The following PTPRG variants were observed in gnomAD, a reference collection of about 807,000 sequenced individuals.
The protein encoded by PTPRG is protein tyrosine phosphatase receptor type G.
Under a neutral mutation model 165.3 loss-of-function variants are expected in PTPRG, and 102 were observed. The observed-to-expected ratio is 0.62, with a 90% CI of 0.53 to 0.73. The LOEUF (loss-of-function observed/expected upper bound fraction) is 0.73, where lower values mean the gene tolerates loss of function less well. Among genes scored for constraint, PTPRG ranks in the 30% least tolerant of loss-of-function variants. The pLI, the probability that PTPRG is intolerant of heterozygous loss-of-function variation, is 0.00. For synonymous variants in PTPRG, 675 were observed against 669.5 expected (o/e 1.01, Z -0.13); for missense variants, 1,866 against 1,861.4 (o/e 1.00, Z -0.05).
chr3:61,632,430 G>A (rs1281319776), intron 1 of PTPRG, among the ~76,000 whole-genome samples: 1 of 152,210 alleles, frequency 6.6e-6, no homozygotes, highest in African/African-American at 2.4e-5. Context: ...GACAGATAAA[G>A]TGCTCTTTGT....
chr3:62,203,766 C>A lies in PTPRG; in HGVS notation c.1971C>A (p.Gly657=), dbSNP rs758300826. 3 of 1,610,022 alleles carry A rather than the reference C, an allele frequency of 1.9e-6. No homozygotes were observed. The highest frequency in any genetic ancestry group is 4.5e-5 in the East Asian group (2 of 44,774). The change falls in exon 12 of 30, where the codon GGC becomes GGA. Residue 657 remains glycine (G), a synonymous_variant. Transcript: ENST00000474889. This position sits in a 1 kb window ranked among gnomAD's most constrained non-coding sequence, Gnocchi z 6.4. ...DHTAVPTDQT[G]GRRDAGPGLD... is the part of the protein sequence containing the mutation. The stretch of plus-strand genomic sequence containing the variant: ...CTGCCGTCCCCACAGACCAGACGGG[C>A]GGAAGGAGGGATGCCGGCCCAGGCC...
intron 2 of PTPRG, among the ~76,000 whole-genome samples, chr3:61,848,552 C>T (rs890225532): frequency 1.3e-5 from 2 of 152,156 alleles, no homozygotes; most frequent in African/African-American, 4.8e-5. Flanking sequence ...TATCTTATAG[C>T]AACTCATCAG....
At chr3:61,668,527 G>A (rs1240187719) in intron 1 of PTPRG, among the ~76,000 whole-genome samples, 1 of 152,154 alleles carries the variant, frequency 6.6e-6, no homozygotes, top group Non-Finnish European at 1.5e-5. Flanking sequence ...GCAGTGTGTG[G>A]GTGGCGCCTT....
At chr3:62,105,838 G>A (rs1702456111) in intron 5 of PTPRG, among the ~76,000 whole-genome samples, 1 of 152,144 alleles carries the variant, frequency 6.6e-6, no homozygotes, top group Non-Finnish European at 1.5e-5. Context: ...ATCTCTTGGT[G>A]TCTTCTCAAG....
intron 2 of PTPRG, among the ~76,000 whole-genome samples, chr3:61,920,062 G>T (rs1262263372): frequency 6.6e-6 from 1 of 152,224 alleles, no homozygotes; most frequent in Admixed American, 6.5e-5. Flanking sequence ...ACATACTATT[G>T]TGGAGGAGGA....
intron 8 of PTPRG, among the ~76,000 whole-genome samples, chr3:62,186,567 C>CCTTTTTTTTTT (rs1705895088): frequency 6.8e-5 from 8 of 117,518 alleles, no homozygotes; most frequent in African/African-American, 2.8e-4. Context: ...TTTTCTTTTC[C>CCTTTTTTTTTT]TTTTTTTTTT....
chr3:62,022,882 A>G (rs2041729921), intron 4 of PTPRG, among the ~76,000 whole-genome samples: 1 of 152,166 alleles, frequency 6.6e-6, no homozygotes. Context: ...AAAAATTGGT[A>G]ATTGATTTCT....
intron 8 of PTPRG, among the ~76,000 whole-genome samples, chr3:62,181,105 T>C (rs562329868): frequency 2.5e-4 from 38 of 152,196 alleles, no homozygotes; most frequent in Non-Finnish European, 2.8e-4. Context: ...TTGTACTGTG[T>C]AGAAGAAAAG....
intron 4 of PTPRG, among the ~76,000 whole-genome samples, chr3:62,032,773 A>C (rs1451853121): frequency 6.6e-6 from 1 of 152,138 alleles, no homozygotes; most frequent in African/African-American, 2.4e-5. Context: ...TTATGGCTGG[A>C]AATTTTAATT....
intron 2 of PTPRG, among the ~76,000 whole-genome samples, chr3:61,777,103 G>A (rs2034406394): frequency 6.6e-6 from 1 of 152,082 alleles, no homozygotes; most frequent in African/African-American, 2.4e-5. Flanking sequence ...GTGTGTCTCT[G>A]GAATATCAGA....
chr3:61,871,163 G>GTTATGTTA (rs2037566057), intron 2 of PTPRG, among the ~76,000 whole-genome samples: 40 of 116,658 alleles, frequency 3.4e-4, no homozygotes, highest in Non-Finnish European at 6.1e-4. Context: ...GTGTTGTGTT[G>GTTATGTTA]TGTTATGTTA....
intron 2 of PTPRG, among the ~76,000 whole-genome samples, chr3:61,774,714 T>C (rs530491666): frequency 6.6e-6 from 1 of 152,368 alleles, no homozygotes; most frequent in Non-Finnish European, 1.5e-5. Context: ...GATTAGTGCA[T>C]GCAGGCAGCA....
rs1232545520 is a variant in PTPRG at position 62,240,557 on chromosome 3, G to A, written c.2376-3250G>A. 6.6e-6 allele frequency among the ~76,000 whole-genome samples: 1 copy of A among 152,148 alleles called. No individual in the cohort carries two copies. Among genetic ancestry groups the A allele is most frequent in the Non-Finnish European group, 1.5e-5 (1 of 68,032 alleles). On this transcript the variant is annotated intron_variant, in intron 14 of 29. Coordinates refer to ENST00000474889, the MANE Select transcript of PTPRG (RefSeq NM_002841.4). This position sits in a 1 kb window ranked among gnomAD's most constrained non-coding sequence, Gnocchi z 5.1. ...CATGGATTAAAGCCTTTCATTGACT[G>A]TCCCCTGCTCCTAGACACCAGTGAA...
chr3:61,759,533 G>A (rs1350989597), intron 2 of PTPRG, among the ~76,000 whole-genome samples: 2 of 151,940 alleles, frequency 1.3e-5, no homozygotes, highest in South Asian at 4.2e-4. Context: ...GCTCACGCCT[G>A]TAAGTCCCAG....
intron 1 of PTPRG, among the ~76,000 whole-genome samples, chr3:61,724,153 T>C (rs1479128104): frequency 6.8e-6 from 1 of 146,806 alleles, no homozygotes; most frequent in South Asian, 2.1e-4. Flanking sequence ...GAGGGGGAGG[T>C]TGCAGTGAGC....
chr3:61,869,887 C>T (rs2037514827), intron 2 of PTPRG, among the ~76,000 whole-genome samples: 2 of 152,258 alleles, frequency 1.3e-5, no homozygotes, highest in Middle Eastern at 3.4e-3. Flanking sequence ...AAGTGTGAGC[C>T]ACTGCACCTG....
At position 61,633,897 on chromosome 3, in the gene PTPRG, G is replaced by T. The variant is rs1251269796; in HGVS notation, c.85+71525G>T. Among the ~76,000 whole-genome samples the T allele has an allele frequency of 3.5e-5, 5 of 144,156 alleles. No individual in the cohort carries two copies. In the South Asian group the frequency reaches 6.7e-4, roughly 19 times the overall value. 94.6% of individuals were successfully genotyped at this position (144,156 alleles called of 152,430 possible). A position where few individuals can be genotyped will look rare whatever the true frequency, so the allele number is the denominator to read the frequency against. On this transcript the variant is annotated intron_variant, in intron 1 of 29. Transcript: ENST00000474889. The stretch of plus-strand genomic sequence containing the variant: ...TCTGTTATTCCTAGTTTGTCGAGTG[G>T]TTTTTTTTTTTTGGTGTTGCTGTTT...
At chr3:61,798,292 T>A (rs1046130587) in intron 2 of PTPRG, among the ~76,000 whole-genome samples, 1 of 152,140 alleles carries the variant, frequency 6.6e-6, no homozygotes, top group Non-Finnish European at 1.5e-5. Context: ...CAACTCAGCA[T>A]GTTAGGATCC....
chr3:61,692,744 A>T lies in PTPRG; in HGVS notation c.86-56134A>T, dbSNP rs574951365. On this transcript the variant is annotated intron_variant, in intron 1 of 29. Transcript: ENST00000474889. ...TTTCACAAGATAATGTCATCAGTTA[A>T]GGCAGGAACAGGCCATTTTCATTTC... Among the ~76,000 whole-genome samples, 653 of 152,292 alleles carry T rather than the reference A, an allele frequency of 4.3e-3. 11 individuals carry two copies. Among genetic ancestry groups the T allele is most frequent in the Non-Finnish European group, 5.8e-3 (395 of 68,028 alleles).
Sources: gnomAD v4.1 joint callset for allele counts (sites outside exome capture counted in the v4.1 genomes callset) on GRCh38, gnomAD v4.1.1 for gene constraint, Gnocchi (gnomAD v3.1) non-coding constraint, MANE v1.5 for transcripts, NCBI Gene and HGNC (gene_info 2026-07-23, HGNC 2026-07-21) for gene names.